The following FAR1 variants were observed in gnomAD, a reference collection of about 807,000 sequenced individuals.
FAR1 encodes fatty acyl-CoA reductase 1, also known as male sterility domain-containing protein 2.
FAR1 carries 22 observed loss-of-function variants against 61.1 expected under a neutral mutation model. That is an observed-to-expected ratio of 0.36 (90% CI 0.26 to 0.51). The LOEUF (loss-of-function observed/expected upper bound fraction) is 0.51. FAR1 is among the 20% of genes least tolerant of loss of function. The pLI is 0.95. For synonymous variants in FAR1, 206 were observed against 209.7 expected (o/e 0.98, Z 0.15); for missense variants, 359 against 626.9 (o/e 0.57, Z 4.56).
At chr11:13,707,354 C>A (rs980793565) in intron 3 of FAR1, among the ~76,000 whole-genome samples, 3 of 151,964 alleles carry the variant, frequency 2.0e-5, no homozygotes, top group Non-Finnish European at 4.4e-5. Context: ...TGTAGGGTAG[C>A]CTTAGAAAAG....
chr11:13,682,971 A>G (rs967019031), intron 1 of FAR1, among the ~76,000 whole-genome samples: 2 of 152,184 alleles, frequency 1.3e-5, no homozygotes, highest in Non-Finnish European at 2.9e-5. Flanking sequence ...TTTTAAAGAC[A>G]TGCAATCTAA....
chr11:13,728,495 GT>G (rs1848688953), intron 11 of FAR1, 116 bp from the exon 12 acceptor site: 1 of 936,458 alleles, frequency 1.1e-6, no homozygotes, highest in Non-Finnish European at 1.6e-6. Flanking sequence ...CCTATCATAA[GT>G]TTCAAATTAA....
intron 3 of FAR1, among the ~76,000 whole-genome samples, chr11:13,706,954 C>T (rs1325792735): frequency 6.6e-6 from 1 of 152,106 alleles, no homozygotes; most frequent in East Asian, 1.9e-4. Flanking sequence ...GATAAGTAGG[C>T]CAAGTCAGGA....
At chr11:13,700,020 T>A (rs990336124) in intron 2 of FAR1, among the ~76,000 whole-genome samples, 1 of 152,172 alleles carries the variant, frequency 6.6e-6, no homozygotes, top group Non-Finnish European at 1.5e-5. Flanking sequence ...TACAATCTAA[T>A]CAGCCAAGGC....
At chr11:13,668,940 C>T (rs1173177878) in intron 1 of FAR1, 134 bp downstream of exon 1, 2 of 152,386 alleles carry the variant, frequency 1.3e-5, no homozygotes, top group African/African-American at 2.4e-5. Flanking sequence ...CGCCCCCGCC[C>T]CCGCCCGGGT....
chr11:13,689,326 C>A (rs1278850149), intron 1 of FAR1, among the ~76,000 whole-genome samples: 1 of 152,156 alleles, frequency 6.6e-6, no homozygotes, highest in African/African-American at 2.4e-5. Context: ...GTCACTCCCT[C>A]TTCTTCCCTG....
intron 7 of FAR1, 53 bp from the exon 8 acceptor site, chr11:13,712,913 G>C (rs1257586607): frequency 1.4e-6 from 2 of 1,412,608 alleles, no homozygotes; most frequent in Admixed American, 3.4e-5. Context: ...GACTTAGATT[G>C]GATATGTTTG....
Position 13,696,834 on chromosome 11 carries a change from G to A in FAR1, c.189+1880G>A, listed in dbSNP as rs548715608. On this transcript the variant is annotated intron_variant, in intron 2 of 11. Coordinates refer to ENST00000354817, the MANE Select transcript of FAR1 (RefSeq NM_032228.6). Reference sequence around the variant, plus strand: ...CACTTAAAGTTAGTAAGAAATTTTAGGTATGGTCTACTCTGATTTTGAAAT... The same window carrying A: ...CACTTAAAGTTAGTAAGAAATTTTAAGTATGGTCTACTCTGATTTTGAAAT... Among the ~76,000 whole-genome samples, 3 of 152,188 alleles carry A rather than the reference G, an allele frequency of 2.0e-5. No individual in the cohort carries two copies. In the East Asian group the frequency reaches 5.8e-4, roughly 29 times the overall value.
chr11:13,675,941 G>A (rs960431761), intron 1 of FAR1, among the ~76,000 whole-genome samples: 1 of 152,142 alleles, frequency 6.6e-6, no homozygotes, highest in Non-Finnish European at 1.5e-5. Context: ...TGCAGAAATT[G>A]CTTGTCAAAG....
chr11:13,681,785 G>A (rs1343813150), intron 1 of FAR1, among the ~76,000 whole-genome samples: 2 of 152,162 alleles, frequency 1.3e-5, no homozygotes, highest in African/African-American at 4.8e-5. Flanking sequence ...TAAAATGGTG[G>A]TTGTTTTAAA....
chr11:13,721,878 T>C lies in FAR1; in HGVS notation c.1257+19T>C. 1.9e-6 allele frequency: 3 copies of C among 1,572,572 alleles called. No homozygotes were observed. Among genetic ancestry groups the C allele is most frequent in the Non-Finnish European group, 2.6e-6 (3 of 1,158,648 alleles). ...TAAAAAGGCAAGCAAGTATTTTCTG[T>C]TTTATATTAGAAAATAAGTAGCATA... On this transcript the variant is annotated intron_variant, in intron 10 of 11. Transcript: ENST00000354817. This position sits in a 1 kb window ranked among gnomAD's most constrained non-coding sequence, Gnocchi z 4.2.
intron 11 of FAR1, among the ~76,000 whole-genome samples, chr11:13,728,162 T>A (rs1415474745): frequency 6.6e-6 from 1 of 151,822 alleles, no homozygotes; most frequent in Non-Finnish European, 1.5e-5. Flanking sequence ...AACATCAAAA[T>A]TTTTTGAAAC....
chr11:13,682,975 A>C (rs750942521), intron 1 of FAR1, among the ~76,000 whole-genome samples: 1 of 152,290 alleles, frequency 6.6e-6, no homozygotes, highest in Non-Finnish European at 1.5e-5. Context: ...AAAGACATGC[A>C]ATCTAATGAA....
chr11:13,686,869 A>G (rs145382214), intron 1 of FAR1, among the ~76,000 whole-genome samples: 188 of 152,338 alleles, frequency 1.2e-3, no homozygotes, highest in African/African-American at 4.4e-3. Flanking sequence ...GTGCAGGTTT[A>G]TATTGAGTGG....
intron 2 of FAR1, among the ~76,000 whole-genome samples, chr11:13,696,101 T>C (rs1848303910): frequency 6.6e-6 from 1 of 152,194 alleles, no homozygotes; most frequent in African/African-American, 2.4e-5. Context: ...AAGTAAAATG[T>C]CTACATGTAT....
intron 1 of FAR1, among the ~76,000 whole-genome samples, chr11:13,694,355 G>C (rs557328487): frequency 6.6e-6 from 1 of 152,152 alleles, no homozygotes; most frequent in Non-Finnish European, 1.5e-5. Flanking sequence ...GAGTCTTGCT[G>C]CTGACCTGTA....
In FAR1 at chr11:13,694,813, A is replaced by G; in HGVS notation, c.48A>G (p.Thr16=). 1 of 1,614,074 alleles carries G rather than the reference A, an allele frequency of 6.2e-7. No homozygotes were observed. The part of the protein sequence containing the change: ...EYYEGKNVLL[T]GATGFLGKVL... ...ATGAAGGCAAGAACGTCCTCCTCAC[A>G]GGAGCTACCGGTTTTCTAGGGAAGG... Residue 16 remains threonine, a synonymous_variant, in exon 2 of 12, where the codon ACA becomes ACG. Coordinates refer to ENST00000354817, the MANE Select transcript of FAR1 (RefSeq NM_032228.6).
Position 13,727,428 on chromosome 11 carries a change from T to C in FAR1, c.1258-128T>C, listed in dbSNP as rs969503692. 9.7e-6 allele frequency: 7 copies of C among 718,026 alleles called. No individual in the cohort carries two copies. In the African/African-American group the frequency reaches 1.1e-4, roughly 11 times the overall value. 44.5% of individuals were successfully genotyped at this position (718,026 alleles called of 1,614,324 possible). A position where few individuals can be genotyped will look rare whatever the true frequency, so the allele number is the denominator to read the frequency against. On this transcript the variant is annotated intron_variant, in intron 10 of 11. Coordinates refer to ENST00000354817, the MANE Select transcript of FAR1 (RefSeq NM_032228.6). ...GTGACTAGCGGTAAGATTTCAGAAG[T>C]TAATTCTGTATTTAAGAATTTTGTA...
intron 1 of FAR1, among the ~76,000 whole-genome samples, chr11:13,680,822 C>T (rs1482219888): frequency 1.3e-5 from 2 of 152,086 alleles, no homozygotes; most frequent in African/African-American, 4.8e-5. Context: ...CTTGGTGGGA[C>T]CAAACAAACC....
Sources: gnomAD v4.1 joint callset for allele counts (sites outside exome capture counted in the v4.1 genomes callset) on GRCh38, gnomAD v4.1.1 for gene constraint, Gnocchi (gnomAD v3.1) non-coding constraint, MANE v1.5 for transcripts, NCBI Gene and HGNC (gene_info 2026-07-23, HGNC 2026-07-21) for gene names.